The following CHAT variants were observed in gnomAD, a reference collection of about 807,000 sequenced individuals.
The protein encoded by CHAT is acetyl CoA:choline O-acetyltransferase.
In CHAT, 61 loss-of-function variants were observed where a neutral mutation model predicts 76.9. The observed-to-expected ratio is 0.79, with a 90% CI of 0.65 to 0.98. The LOEUF is 0.98. CHAT is among the 50% of genes least tolerant of loss of function. The probability of loss-of-function intolerance (pLI) is 0.00; values close to 1 mark genes in which losing one functional copy is unlikely to be tolerated. For synonymous variants in CHAT, 407 were observed against 397.4 expected (o/e 1.02, Z -0.29); for missense variants, 946 against 986.9 (o/e 0.96, Z 0.56).
intron 1 of CHAT, 147 bp from the exon 2 acceptor site, chr10:49,616,355 C>A: frequency 2.7e-6 from 2 of 734,430 alleles, no homozygotes; most frequent in South Asian, 3.0e-5. Flanking sequence ...GAGACTGGGG[C>A]CACGCCTGCA....
At position 49,655,243 on chromosome 10, in the gene CHAT, C is replaced by G. The variant is rs777805256; in HGVS notation, c.1776+7C>G. ...CCACAAGGCTGCTGTGCCAGTAAGT[C>G]CCGCCCCACCCCACGGCCACAGGAA... On this transcript the variant is annotated splice_region_variant and intron_variant, in intron 12 of 14. Transcript: ENST00000337653. The G allele has an allele frequency of 1.2e-6, 2 of 1,613,976 alleles. No homozygotes were observed. Among genetic ancestry groups the G allele is most frequent in the East Asian group, 2.2e-5 (1 of 44,878 alleles).
At position 49,656,422 on chromosome 10, in the gene CHAT, A is replaced by T. The variant is rs535530943; in HGVS notation, c.1839+974A>T. On this transcript the variant is annotated intron_variant, in intron 13 of 14. Coordinates refer to ENST00000337653, the MANE Select transcript of CHAT (RefSeq NM_020549.5). ...ATGTAGTTGGGAGAAGAGGCCCTTC[A>T]ACGTGAACACCAATCCCATGTGAAA... is the stretch of plus-strand genomic sequence containing the variant. Among the ~76,000 whole-genome samples, 9 of 152,030 alleles carry T rather than the reference A, an allele frequency of 5.9e-5. 1 individual carries two copies. The South Asian group carries it at 1.9e-3, about 32-fold the overall frequency.
At chr10:49,625,782 C>T in intron 6 of CHAT, 129 bp downstream of exon 6, 2 of 1,026,894 alleles carry the variant, frequency 1.9e-6, no homozygotes, top group Non-Finnish European at 2.9e-6. Context: ...GGCACCATGT[C>T]TCCAAAGTGG....
At chr10:49,657,274 G>A (rs1056138665) in intron 13 of CHAT, among the ~76,000 whole-genome samples, 1 of 152,086 alleles carries the variant, frequency 6.6e-6, no homozygotes, top group Non-Finnish European at 1.5e-5. Flanking sequence ...CTCACATAGT[G>A]GAAGGTGGAA....
chr10:49,659,485 C>T (rs1215808187), intron 13 of CHAT, among the ~76,000 whole-genome samples: 2 of 152,084 alleles, frequency 1.3e-5, no homozygotes, highest in African/African-American at 4.8e-5. Context: ...GTTGAGTACA[C>T]CTAGAGAGCA....
intron 1 of CHAT, 102 bp downstream of exon 1, chr10:49,614,577 A>G (rs1838413054): frequency 2.9e-6 from 3 of 1,026,786 alleles, no homozygotes; most frequent in Admixed American, 2.2e-5. Flanking sequence ...GAGAGGCCCC[A>G]GGACTCGTGG....
chr10:49,609,248 C>T (rs1400290328), upstream of CHAT: 6 of 152,260 alleles, frequency 3.9e-5, no homozygotes, highest in Admixed American at 3.9e-4. Context: ...TGGGCGCTCT[C>T]CGGGGAGTGG....
chr10:49,645,832 C>CTG (rs1839642416), intron 7 of CHAT, among the ~76,000 whole-genome samples: 1 of 152,148 alleles, frequency 6.6e-6, no homozygotes, highest in African/African-American at 2.4e-5. Flanking sequence ...CAAAAGCCAG[C>CTG]TGTGGGCCAG....
rs532813983 is a variant in CHAT, at chr10:49,631,758, TG to T, written c.1111+3976del. ...AAGTTCCCAGATGTGATACTGGCCATGGGTGCAGGGGTGAGACTGTCAAAGG... is the reference window on the plus strand; with the variant it reads ...AAGTTCCCAGATGTGATACTGGCCATGGTGCAGGGGTGAGACTGTCAAAGG... On this transcript the variant is annotated intron_variant, in intron 7 of 14. Transcript: ENST00000337653. Among the ~76,000 whole-genome samples, 25 of 152,150 alleles carry T rather than the reference TG, an allele frequency of 1.6e-4. No individual in the cohort carries two copies. In the East Asian group the frequency reaches 4.4e-3, roughly 27 times the overall value.
intron 13 of CHAT, among the ~76,000 whole-genome samples, chr10:49,658,090 A>T (rs574263994): frequency 2.6e-5 from 4 of 152,256 alleles, no homozygotes; most frequent in African/African-American, 9.6e-5. Flanking sequence ...TTTTAAAAAA[A>T]CTTAAAATGG....
Position 49,655,209 on chromosome 10 carries a change from C to T in CHAT, c.1749C>T (p.Ala583=), listed in dbSNP as rs201580702. 12 of 1,613,946 alleles carry T rather than the reference C, an allele frequency of 7.4e-6. No homozygotes were observed. The highest frequency in any genetic ancestry group is 1.6e-4 in the Middle Eastern group (1 of 6,084). Residue 583 remains alanine (A), a synonymous_variant, in exon 12 of 15, where the codon GCC becomes GCT. Coordinates refer to ENST00000337653, the MANE Select transcript of CHAT (RefSeq NM_020549.5). ...ATPEALAFVR[A]VTDHKAAVPA... The stretch of plus-strand genomic sequence containing the variant: ...CAGAGGCACTGGCTTTTGTGAGAGC[C>T]GTGACTGACCACAAGGCTGCTGTGC...
At chr10:49,640,221 G>C (rs1054205668) in intron 7 of CHAT, among the ~76,000 whole-genome samples, 19 of 151,976 alleles carry the variant, frequency 1.3e-4, no homozygotes, top group Admixed American at 3.3e-4. Context: ...GCCCAGGCTG[G>C]AGTACAGTGG....
Position 49,667,072 on chromosome 10 carries a change from G to A in CHAT, c.*2026G>A, listed in dbSNP as rs1840355013. On this transcript the variant is annotated 3_prime_UTR_variant, in exon 15 of 15. Transcript: ENST00000337653. ...TCCACTGTCAAATGAGAACAAGAGTGTCCCCACTTGCAAGACTATGAGGAT... is the reference window on the plus strand; with the variant it reads ...TCCACTGTCAAATGAGAACAAGAGTATCCCCACTTGCAAGACTATGAGGAT... Among the ~76,000 whole-genome samples, 2 of 152,318 alleles carry A rather than the reference G, an allele frequency of 1.3e-5. No individual in the cohort carries two copies. The highest frequency in any genetic ancestry group is 4.1e-4 in the South Asian group (2 of 4,824).
chr10:49,614,499 CTGGCG>C (rs1838408061), intron 1 of CHAT, 24 bp downstream of exon 1: 4 of 1,445,238 alleles, frequency 2.8e-6, no homozygotes, highest in Admixed American at 2.1e-5. Flanking sequence ...CTGGGCTGGG[CTGGCG>C]GAGCGCGGTG....
At chr10:49,649,737 T>A in intron 10 of CHAT, 101 bp downstream of exon 10, 2 of 1,270,276 alleles carry the variant, frequency 1.6e-6, no homozygotes, top group Non-Finnish European at 2.3e-6. Flanking sequence ...AGACCCCAGC[T>A]CCTCTGCCTC....
rs757344796 is a variant in CHAT, at chr10:49,619,742, C to T, written c.405C>T (p.Pro135=). The stretch of plus-strand genomic sequence containing the variant: ...TCTTCCAGGGGCTGCCCAAACTGCC[C>T]GTGCCCCCGCTGCAGCAGACCCTGG... The part of the protein sequence containing the change: ...SSEESGLPKL[P]VPPLQQTLAT... The change falls in exon 3 of 15, where the codon CCC becomes CCT. Residue 135 remains proline (P), a synonymous_variant. Coordinates refer to ENST00000337653, the MANE Select transcript of CHAT (RefSeq NM_020549.5). 8 of 1,612,522 alleles carry T rather than the reference C, an allele frequency of 5.0e-6. No individual in the cohort carries two copies. The highest frequency in any genetic ancestry group is 4.0e-5 in the African/African-American group (3 of 75,010).
intron 7 of CHAT, among the ~76,000 whole-genome samples, chr10:49,639,581 GTGTC>G (rs1440198646): frequency 1.3e-5 from 2 of 151,016 alleles, no homozygotes; most frequent in Non-Finnish European, 2.9e-5. Context: ...ATGGGTGTGT[GTGTC>G]TATGTATAGA....
At chr10:49,610,561 G>A, upstream of CHAT, 1 of 556,434 alleles carries the variant, frequency 1.8e-6, no homozygotes, top group Non-Finnish European at 2.9e-6. Flanking sequence ...ACGCCTCGCC[G>A]GACGGAGTCC....
chr10:49,650,808 T>G (rs7074434), intron 10 of CHAT, among the ~76,000 whole-genome samples: 147,169 of 152,190 alleles, frequency 0.97, 71,387 homozygotes, highest in East Asian at 1. Context: ...GCTGGAGAGG[T>G]TGCCTGGCTT....
Sources: allele counts gnomAD v4.1 joint callset (sites outside exome capture counted in the v4.1 genomes callset), GRCh38; gene constraint gnomAD v4.1.1; transcripts MANE v1.5; gene names NCBI Gene and HGNC (gene_info 2026-07-23, HGNC 2026-07-21).